Variants in SGMS1 observed in about 807,000 individuals in gnomAD.
SGMS1 encodes sphingomyelin synthase 1, also known as phosphatidylcholine:ceramide cholinephosphotransferase 1.
A neutral mutation model predicts 46.2 loss-of-function variants in SGMS1; 13 were observed. That is an observed-to-expected ratio of 0.28 (90% confidence interval 0.18 to 0.45). The LOEUF (loss-of-function observed/expected upper bound fraction) is 0.45. SGMS1 is among the 20% of genes least tolerant of loss of function. The pLI is 1.00. For synonymous variants in SGMS1, 203 were observed against 187.8 expected (o/e 1.08, Z -0.66); for missense variants, 324 against 519.9 (o/e 0.62, Z 3.66).
At chr10:50,364,191 TAGC>T (rs1554929219) in intron 6 of SGMS1, among the ~76,000 whole-genome samples, 1 of 151,954 alleles carries the variant, frequency 6.6e-6, no homozygotes, top group Non-Finnish European at 1.5e-5. Context: ...AAGATCTGAA[TAGC>T]AGGAGTTCAA....
intron 8 of SGMS1, among the ~76,000 whole-genome samples, chr10:50,311,739 C>G (rs1030832026): frequency 7.2e-5 from 11 of 152,150 alleles, no homozygotes; most frequent in African/African-American, 2.7e-4. Context: ...TGAATAATTG[C>G]TTTAGTATAA....
intron 6 of SGMS1, among the ~76,000 whole-genome samples, chr10:50,408,512 T>C (rs1849054081): frequency 6.7e-6 from 1 of 148,820 alleles, no homozygotes. Flanking sequence ...TGAAACCCCA[T>C]CTCTACTAAA....
At chr10:50,384,950 T>C (rs1303369582) in intron 6 of SGMS1, among the ~76,000 whole-genome samples, 1 of 152,206 alleles carries the variant, frequency 6.6e-6, no homozygotes, top group Non-Finnish European at 1.5e-5. Context: ...ATTTCCCCTC[T>C]AATAGCCTTT....
At chr10:50,383,608 A>G (rs1848639802) in intron 6 of SGMS1, among the ~76,000 whole-genome samples, 1 of 152,118 alleles carries the variant, frequency 6.6e-6, no homozygotes, top group Non-Finnish European at 1.5e-5. Context: ...AACACTTAAT[A>G]ATGACTAGTT....
intron 5 of SGMS1, among the ~76,000 whole-genome samples, chr10:50,434,307 G>T (rs915379117): frequency 2.0e-5 from 3 of 152,090 alleles, no homozygotes; most frequent in African/African-American, 7.2e-5. Flanking sequence ...AAAAATACCC[G>T]ACTTTTACCA....
At chr10:50,552,831 C>T (rs150795455) in intron 2 of SGMS1, among the ~76,000 whole-genome samples, 3 of 152,278 alleles carry the variant, frequency 2.0e-5, no homozygotes, top group Non-Finnish European at 4.4e-5. Flanking sequence ...CAAAGGTATC[C>T]TTCCTTGTAA....
At chr10:50,343,124 C>G (rs1847846474) in intron 7 of SGMS1, 1 of 166,224 alleles carries the variant, frequency 6.0e-6, no homozygotes, top group Admixed American at 5.8e-5. Flanking sequence ...AGTGCTTAGG[C>G]CAACTGTCGA....
chr10:50,609,141 C>T (rs916420772), intron 1 of SGMS1, among the ~76,000 whole-genome samples: 5 of 152,130 alleles, frequency 3.3e-5, no homozygotes, highest in Admixed American at 1.3e-4. Context: ...TATGCCACCA[C>T]GTCTAATTTT....
chr10:50,574,651 C>T (rs1051745322), intron 2 of SGMS1, among the ~76,000 whole-genome samples: 3 of 152,074 alleles, frequency 2.0e-5, no homozygotes, highest in African/African-American at 7.2e-5. Context: ...TCCAAAAGAA[C>T]TGAAATCAGG....
rs1255775623 is a variant in SGMS1 at position 50,354,296 on chromosome 10, A to G, written c.-231-9951T>C. On this transcript the variant is annotated intron_variant, in intron 6 of 10. Transcript: ENST00000361781. ...CTCAGAAATAATGCCGCATATCCACAACTATCTGATCTTTGACAAACCTGA... is the reference window on the plus strand; with the variant it reads ...CTCAGAAATAATGCCGCATATCCACGACTATCTGATCTTTGACAAACCTGA... Among the ~76,000 whole-genome samples the G allele has an allele frequency of 3.9e-5, 6 of 152,324 alleles. No homozygotes were observed. In the East Asian group the frequency reaches 5.8e-4, roughly 15 times the overall value.
Position 50,514,416 on chromosome 10 carries a change from A to G in SGMS1, c.-498+5415T>C, listed in dbSNP as rs1032543671. Among the ~76,000 whole-genome samples, 5 of 152,140 alleles carry G rather than the reference A, an allele frequency of 3.3e-5. No individual in the cohort carries two copies. The East Asian group carries it at 9.6e-4, about 29-fold the overall frequency. On this transcript the variant is annotated intron_variant, in intron 3 of 10. Coordinates refer to ENST00000361781, the MANE Select transcript of SGMS1 (RefSeq NM_147156.4). ...GTTCCCGGACTCTTTTGCAGCTAGG[A>G]GTGGCTACGTGGCTATGCTCTAACC... is the stretch of plus-strand genomic sequence containing the variant.
At chr10:50,485,183 G>A (rs990751700) in intron 3 of SGMS1, among the ~76,000 whole-genome samples, 3 of 152,180 alleles carry the variant, frequency 2.0e-5, no homozygotes, top group African/African-American at 7.2e-5. Flanking sequence ...AAGCTGATAA[G>A]CAACTTCAGC....
intron 3 of SGMS1, among the ~76,000 whole-genome samples, chr10:50,486,837 T>C (rs1837525063): frequency 6.6e-6 from 1 of 152,256 alleles, no homozygotes; most frequent in African/African-American, 2.4e-5. Context: ...TAAATCATTC[T>C]ATTATAAAGA....
intron 6 of SGMS1, among the ~76,000 whole-genome samples, chr10:50,392,993 G>GCT (rs572190437): frequency 6.8e-6 from 1 of 147,858 alleles, no homozygotes; most frequent in Non-Finnish European, 1.5e-5. Context: ...CATCCAGAAA[G>GCT]TTTTTTTTTT....
chr10:50,603,954 G>C (rs1053800627), intron 1 of SGMS1, among the ~76,000 whole-genome samples: 5 of 152,128 alleles, frequency 3.3e-5, no homozygotes, highest in Non-Finnish European at 5.9e-5. Flanking sequence ...ACATGCCATT[G>C]TTTATTCTAG....
intron 2 of SGMS1, among the ~76,000 whole-genome samples, chr10:50,522,321 C>T (rs565070319): frequency 2.0e-5 from 3 of 151,996 alleles, no homozygotes; most frequent in South Asian, 2.1e-4. Flanking sequence ...CCCTTACTTT[C>T]TGATATTAAA....
intron 2 of SGMS1, among the ~76,000 whole-genome samples, chr10:50,558,150 C>T (rs1260565683): frequency 2.6e-5 from 4 of 152,206 alleles, no homozygotes; most frequent in Non-Finnish European, 4.4e-5. Flanking sequence ...ATCCTGGCTG[C>T]AGCTGTATGC....
Position 50,570,524 on chromosome 10 carries a change from G to A in SGMS1, c.-589+19629C>T, listed in dbSNP as rs550669850. On this transcript the variant is annotated intron_variant, in intron 2 of 10. Transcript: ENST00000361781. ...TTAAAAATAAGAATAAAGACCCAAT[G>A]AGTGAAATGAGAGACAGGCCCAATC... Among the ~76,000 whole-genome samples, 5 of 152,278 alleles carry A rather than the reference G, an allele frequency of 3.3e-5. No homozygotes were observed. The South Asian group carries it at 1.0e-3, about 32-fold the overall frequency.
rs540689107 is a variant in SGMS1, at chr10:50,404,229, T to C, written c.-232+29247A>G. On this transcript the variant is annotated intron_variant, in intron 6 of 10. Transcript: ENST00000361781. ...GAAAGTAAATTTTTAACTTACCAGA[T>C]TGGCAAAAATGTTAAAACTTGGTGA... 3.3e-5 allele frequency among the ~76,000 whole-genome samples: 5 copies of C among 152,070 alleles called. No individual in the cohort carries two copies. The East Asian group carries it at 7.7e-4, about 23-fold the overall frequency.
Sources: allele counts gnomAD v4.1 joint callset (sites outside exome capture counted in the v4.1 genomes callset), GRCh38; gene constraint gnomAD v4.1.1; transcripts MANE v1.5; gene names NCBI Gene and HGNC (gene_info 2026-07-23, HGNC 2026-07-21).